OGG1: variants seen among roughly 807,000 people sequenced by gnomAD.
The protein encoded by OGG1 is 8-oxoguanine DNA glycosylase.
A neutral mutation model predicts 42.3 loss-of-function variants in OGG1; 35 were observed. The ratio of observed to expected loss-of-function variants is 0.83; its 90% CI spans 0.63 to 1.10. The LOEUF is 1.10. Among genes scored for constraint, OGG1 ranks in the 50% least tolerant of loss-of-function variants. The pLI is 0.00. For missense variants in OGG1, 484 were observed against 446.7 expected, an observed-to-expected ratio of 1.08 and a Z score of -0.75; for synonymous variants, 189 against 179.0, an observed-to-expected ratio of 1.06 and a Z score of -0.44.
At chr3:9,760,093 A>T (rs2077778381), downstream of OGG1, 1 of 225,872 alleles carries the variant, frequency 4.4e-6, no homozygotes, top group Non-Finnish European at 9.0e-6. Context: ...ATACAAAAAA[A>T]ATTAGCCGGG....
downstream of OGG1, chr3:9,789,584 A>G: frequency 6.2e-7 from 1 of 1,614,158 alleles, no homozygotes; most frequent in Non-Finnish European, 8.5e-7. Context: ...TGGTGATGTC[A>G]GCACAGTAGG....
At chr3:9,776,388 C>CTTTTTTTTTTTT (rs57504240) in intron 2 of OGG1, among the ~76,000 whole-genome samples, 124 of 121,088 alleles carry the variant, frequency 1.0e-3, no homozygotes, top group Non-Finnish European at 1.3e-3. Flanking sequence ...TTTTTCTTTT[C>CTTTTTTTTTTTT]TTTTTTTTTT....
chr3:9,759,733 G>A, downstream of OGG1: 2 of 1,614,132 alleles, frequency 1.2e-6, no homozygotes, highest in South Asian at 2.2e-5. Context: ...TCCATCAAGT[G>A]CCGGATGAAA....
chr3:9,758,029 CA>C, downstream of OGG1: 1 of 852,552 alleles, frequency 1.2e-6, no homozygotes, highest in South Asian at 1.9e-5. Flanking sequence ...TACACACACA[CA>C]CGCACATATG....
At chr3:9,769,537 C>A (rs1164965891), downstream of OGG1, among the ~76,000 whole-genome samples, 1 of 152,188 alleles carries the variant, frequency 6.6e-6, no homozygotes, top group Non-Finnish European at 1.5e-5. Context: ...GTACACTCCG[C>A]AAGCCCCCCC....
chr3:9,759,497 G>A (rs1220095655), downstream of OGG1: 1 of 1,614,200 alleles, frequency 6.2e-7, no homozygotes, highest in Admixed American at 1.7e-5. Flanking sequence ...CCTTCCACTT[G>A]CTCTTGGCAA....
chr3:9,780,508 C>T (rs750460681), intron 2 of OGG1: 14 of 1,607,746 alleles, frequency 8.7e-6, no homozygotes, highest in South Asian at 3.3e-5. Context: ...CATGCGCACC[C>T]GCTGCCTCAG....
chr3:9,784,151 A>G (rs770923191), intron 3 of OGG1: 3 of 1,614,126 alleles, frequency 1.9e-6, no homozygotes, highest in Non-Finnish European at 8.5e-7. Context: ...CTCAGACTCC[A>G]AAAGGCCCTG....
At chr3:9,787,364 C>G in intron 3 of OGG1, 1 of 1,591,444 alleles carries the variant, frequency 6.3e-7, no homozygotes, top group East Asian at 2.2e-5. Context: ...GGCACCCAAC[C>G]CTGAGTGGGT....
At chr3:9,787,740 GA>G (rs2078649605) in exon 4 of OGG1, 1 of 1,286,134 alleles carries the variant, frequency 7.8e-7, no homozygotes, top group South Asian at 1.2e-5. Context: ...AAATTTTTAA[GA>G]AATCAGATAA....
chr3:9,766,480 CAAAAAAAAGAA>C lies in OGG1; in HGVS notation c.*662_*672del, dbSNP rs1420712813. 69 of 349,612 alleles carry C rather than the reference CAAAAAAAAGAA, an allele frequency of 2.0e-4. 1 individual carries two copies. Among genetic ancestry groups the C allele is most frequent in the South Asian group, 1.5e-3 (52 of 35,742 alleles). 21.7% of individuals were successfully genotyped at this position (349,612 alleles called of 1,614,324 possible). On this transcript the variant is annotated 3_prime_UTR_variant, in exon 8 of 8. Coordinates refer to the OGG1 transcript ENST00000302008. ...ATCTCTACTGCTTTGGATCCTGGGT[CAAAAAAAAGAA>C]AAAAAAAAGAAATGCAAAACTTTAG...
At chr3:9,781,035 G>T (rs2078447926) in intron 2 of OGG1, among the ~76,000 whole-genome samples, 2 of 152,040 alleles carry the variant, frequency 1.3e-5, no homozygotes, top group African/African-American at 4.8e-5. Flanking sequence ...CTCCAAGGGA[G>T]CTGAGGATTG....
At chr3:9,759,515 C>G, downstream of OGG1, 5 of 1,614,188 alleles carry the variant, frequency 3.1e-6, no homozygotes, top group Non-Finnish European at 4.2e-6. Flanking sequence ...CAAAGTTCTT[C>G]TTGATCTGCT....
intron 7 of OGG1, chr3:9,765,619 G>T: frequency 1.0e-6 from 1 of 999,118 alleles, no homozygotes; most frequent in Non-Finnish European, 1.5e-6. Flanking sequence ...CCTGCCAAGT[G>T]GAAATTGTGA....
chr3:9,756,629 A>G lies in OGG1; in HGVS notation c.898+8A>G. Reference sequence around the variant, plus strand: ...AGACCAACAAGGAACTGGGTGAGGAAAGTGGGCTGCAGGGGCTGGCAGTGG... The same window carrying G: ...AGACCAACAAGGAACTGGGTGAGGAGAGTGGGCTGCAGGGGCTGGCAGTGG... On this transcript the variant is annotated splice_region_variant and intron_variant, in intron 5 of 6. Transcript: ENST00000344629. The G allele has an allele frequency of 4.3e-6, 7 of 1,612,794 alleles. No individual in the cohort carries two copies. Among genetic ancestry groups the G allele is most frequent in the Non-Finnish European group, 5.1e-6 (6 of 1,178,812 alleles).
chr3:9,772,457 G>A (rs923430841), intron 2 of OGG1, among the ~76,000 whole-genome samples: 1 of 152,194 alleles, frequency 6.6e-6, no homozygotes, highest in Non-Finnish European at 1.5e-5. Context: ...AGTACTCATA[G>A]GATTTGCTTT....
intron 7 of OGG1, among the ~76,000 whole-genome samples, chr3:9,765,048 G>A (rs1190081229): frequency 1.3e-5 from 2 of 151,704 alleles, no homozygotes; most frequent in African/African-American, 2.4e-5. Context: ...CCAACATGGC[G>A]AAACCCCATC....
At chr3:9,760,653 T>G (rs765649218), downstream of OGG1, 2 of 1,613,558 alleles carry the variant, frequency 1.2e-6, no homozygotes, top group South Asian at 2.2e-5. Flanking sequence ...AAGCCCCAAA[T>G]ACCAGAGTCA....
rs1180187346 is a variant in OGG1, at chr3:9,786,966, C to A, written c.383-762C>A. On this transcript the variant is annotated intron_variant, in intron 3 of 3. Coordinates refer to the OGG1 transcript ENST00000426518. ...AAAATAAGCATAACACATTAAAACACAAAGTAAATATGGTTCCTCTTTTGG... is the reference window on the plus strand; with the variant it reads ...AAAATAAGCATAACACATTAAAACAAAAAGTAAATATGGTTCCTCTTTTGG... The A allele has an allele frequency of 4.5e-6, 7 of 1,551,502 alleles. No homozygotes were observed. The African/African-American group carries it at 9.5e-5, about 21-fold the overall frequency.
Sources: gnomAD v4.1 joint callset for allele counts (sites outside exome capture counted in the v4.1 genomes callset) on GRCh38, gnomAD v4.1.1 for gene constraint, MANE v1.5 for transcripts, NCBI Gene and HGNC (gene_info 2026-07-23, HGNC 2026-07-21) for gene names.